Variants in ST13 observed in about 807,000 individuals in gnomAD.
The protein encoded by ST13 is ST13 Hsp70 interacting protein.
In ST13, 23 loss-of-function variants were observed where a neutral mutation model predicts 56.7. The observed-to-expected ratio is 0.41, with a 90% CI of 0.29 to 0.57. ST13 has a LOEUF of 0.57. Among genes scored for constraint, ST13 ranks in the 20% least tolerant of loss-of-function variants. ST13 has a pLI of 0.36. For synonymous variants in ST13, 132 were observed against 142.4 expected (o/e 0.93, Z 0.52); for missense variants, 369 against 459.9 (o/e 0.80, Z 1.81).
chr22:40,826,490 A>G lies in ST13; in HGVS notation c.*48T>C. 1 of 1,588,696 alleles carries G rather than the reference A, an allele frequency of 6.3e-7. No individual in the cohort carries two copies. On this transcript the variant is annotated 3_prime_UTR_variant, in exon 12 of 12. Transcript: ENST00000216218. ...GTATTATTGCGACATCCATAAGGTGATCTAGGTTGCTTTTCCTTCAGCAAG... is the reference window on the plus strand; with the variant it reads ...GTATTATTGCGACATCCATAAGGTGGTCTAGGTTGCTTTTCCTTCAGCAAG...
At chr22:40,855,042 T>C (rs549720739) in intron 1 of ST13, among the ~76,000 whole-genome samples, 4 of 152,316 alleles carry the variant, frequency 2.6e-5, no homozygotes, top group African/African-American at 7.2e-5. Context: ...AAAAACTTCT[T>C]AGAGGAAAAA....
At chr22:40,846,315 C>T (rs908619456) in intron 3 of ST13, among the ~76,000 whole-genome samples, 4 of 152,188 alleles carry the variant, frequency 2.6e-5, no homozygotes, top group African/African-American at 7.2e-5. Context: ...ATATTAATAA[C>T]TATCCATCTC....
chr22:40,837,483 C>T (rs552453753), intron 5 of ST13, among the ~76,000 whole-genome samples: 2 of 152,204 alleles, frequency 1.3e-5, no homozygotes, highest in East Asian at 3.9e-4. Context: ...CCCGTCTCTA[C>T]TAAAAATATA....
rs1241716900 is a variant in ST13, at chr22:40,840,635, G to A, written c.373C>T (p.Leu125=). Residue 125 remains leucine (L), a synonymous_variant, in exon 5 of 12, where the codon CTA becomes TTA. Coordinates refer to ENST00000216218, the MANE Select transcript of ST13 (RefSeq NM_003932.5). The stretch of plus-strand genomic sequence containing the variant: ...CAAAAAGATTACTCACCATCATTTA[G>A]GGCTTCAATAGCAGCCACTTTTTTA... ...NDKKVAAIEA[L]NDGELQKAID... The A allele has an allele frequency of 6.2e-7, 1 of 1,609,288 alleles. No homozygotes were observed. Among genetic ancestry groups the A allele is most frequent in the African/African-American group, 1.3e-5 (1 of 74,778 alleles).
At chr22:40,841,008 A>G (rs868441337) in intron 4 of ST13, among the ~76,000 whole-genome samples, 3 of 152,138 alleles carry the variant, frequency 2.0e-5, no homozygotes, top group South Asian at 4.1e-4. Context: ...TCACAAAAAG[A>G]TAACTAGCTC....
chr22:40,848,316 T>G lies in ST13; in HGVS notation c.222A>C (p.Pro74=). 1 of 1,613,632 alleles carries G rather than the reference T, an allele frequency of 6.2e-7. No individual in the cohort carries two copies. Among genetic ancestry groups the G allele is most frequent in the Non-Finnish European group, 8.5e-7 (1 of 1,179,656 alleles). ...CACCTAGATCACTTTCCTCACTTGA[T>G]GGTTCGTCTGCCTTTAAGTCTTCCT... ...KVEEDLKADE[P]SSEESDLEID... Residue 74 remains proline (P), a synonymous_variant, in exon 3 of 12, where the codon CCA becomes CCC. Transcript: ENST00000216218.
intron 4 of ST13, among the ~76,000 whole-genome samples, chr22:40,843,942 G>A (rs1288628279): frequency 6.6e-6 from 1 of 151,222 alleles, no homozygotes; most frequent in Non-Finnish European, 1.5e-5. Context: ...GAGTGCAGGG[G>A]TGCGATCTCA....
rs372906700 is a variant in ST13 at position 40,827,191 on chromosome 22, C to G, written c.886G>C (p.Gly296Arg). The change falls in exon 11 of 12, where the codon GGA (glycine) becomes CGA (arginine). Residue 296 changes from glycine (G) to arginine (R), a missense_variant. Gly to Arg is a moderately radical substitution (Grantham distance 125, BLOSUM62 -2). Coordinates refer to ENST00000216218, the MANE Select transcript of ST13 (RefSeq NM_003932.5). ...ATGCCCCCTCCCATTCCAGGCATTCCTCCGGGAAAATTACCAGGCATTCCC... is the reference window on the plus strand; with the variant it reads ...ATGCCCCCTCCCATTCCAGGCATTCGTCCGGGAAAATTACCAGGCATTCCC... ...PGGMPGNFPG[G>R]MPGMGGGMPG... The G allele has an allele frequency of 5.4e-5, 87 of 1,613,238 alleles. No homozygotes were observed. Among genetic ancestry groups the G allele is most frequent in the Non-Finnish European group, 7.0e-5 (83 of 1,179,986 alleles).
At chr22:40,855,629 C>T (rs2057887268) in intron 1 of ST13, among the ~76,000 whole-genome samples, 3 of 152,144 alleles carry the variant, frequency 2.0e-5, no homozygotes, top group African/African-American at 7.2e-5. Flanking sequence ...CTCTTCGGTG[C>T]TCCTTCAACA....
chr22:40,846,268 T>C (rs1390455800), intron 3 of ST13, among the ~76,000 whole-genome samples: 4 of 152,194 alleles, frequency 2.6e-5, no homozygotes, highest in Non-Finnish European at 5.9e-5. Context: ...TGTTTCACTT[T>C]ACTGCACCTC....
chr22:40,842,696 A>C (rs2145742852), intron 4 of ST13, among the ~76,000 whole-genome samples: 1 of 152,356 alleles, frequency 6.6e-6, no homozygotes, highest in Admixed American at 6.5e-5. Flanking sequence ...AGTTAACCCT[A>C]GAATTTGATG....
intron 3 of ST13, among the ~76,000 whole-genome samples, chr22:40,846,468 T>TA (rs897000189): frequency 4.6e-5 from 7 of 152,266 alleles, no homozygotes; most frequent in South Asian, 4.1e-4. Flanking sequence ...TTTAACACGG[T>TA]AAAAAAATTT....
At chr22:40,832,091 T>A in intron 8 of ST13, 1 of 437,044 alleles carries the variant, frequency 2.3e-6, no homozygotes, top group Non-Finnish European at 4.6e-6. Context: ...CCTGACCTCA[T>A]GATCCACCTG....
chr22:40,827,051 T>C (rs766299211), intron 11 of ST13, 45 bp downstream of exon 11: 29 of 1,587,178 alleles, frequency 1.8e-5, no homozygotes, highest in Non-Finnish European at 2.4e-5. Flanking sequence ...TATGAAAGAA[T>C]TGCCTTAATG....
chr22:40,828,821 C>G (rs1402259468), intron 10 of ST13, among the ~76,000 whole-genome samples: 1 of 152,120 alleles, frequency 6.6e-6, no homozygotes, highest in Admixed American at 6.5e-5. Flanking sequence ...GTTTCTCTTG[C>G]TGCCCCTACT....
intron 5 of ST13, 84 bp from the exon 6 acceptor site, chr22:40,835,971 T>C: frequency 9.5e-7 from 1 of 1,057,270 alleles, no homozygotes; most frequent in African/African-American, 1.6e-5. Context: ...CAGTTAAGTC[T>C]TTTACATTTT....
At chr22:40,834,682 T>C (rs1321607699) in intron 7 of ST13, among the ~76,000 whole-genome samples, 1 of 152,206 alleles carries the variant, frequency 6.6e-6, no homozygotes, top group East Asian at 1.9e-4. Context: ...AAATAGCTTA[T>C]TTTCAGTCTG....
intron 7 of ST13, among the ~76,000 whole-genome samples, chr22:40,833,436 G>A (rs546873043): frequency 1.3e-5 from 2 of 151,902 alleles, no homozygotes; most frequent in East Asian, 3.9e-4. Flanking sequence ...GCGGTGGCAG[G>A]CGCCTGTAGT....
intron 5 of ST13, among the ~76,000 whole-genome samples, chr22:40,839,702 CAG>C (rs2057793797): frequency 6.6e-6 from 1 of 150,586 alleles, no homozygotes; most frequent in South Asian, 2.1e-4. Context: ...GTGGAGGTTG[CAG>C]AGAGCCGAGA....
Sources: gnomAD v4.1 joint callset for allele counts (sites outside exome capture counted in the v4.1 genomes callset) on GRCh38, gnomAD v4.1.1 for gene constraint, MANE v1.5 for transcripts, NCBI Gene and HGNC (gene_info 2026-07-23, HGNC 2026-07-21) for gene names.